PTBP3: variants seen among roughly 807,000 people sequenced by gnomAD.
PTBP3 encodes the protein polypyrimidine tract binding protein 3.
A neutral mutation model predicts 58.7 loss-of-function variants in PTBP3; 20 were observed. The observed-to-expected ratio is 0.34, with a 90% CI of 0.24 to 0.50. PTBP3 has a LOEUF of 0.50. Ranked by LOEUF, PTBP3 falls within the 20% of genes least tolerant of loss-of-function variation. PTBP3 has a pLI of 0.98. For synonymous variants in PTBP3, 185 were observed against 219.8 expected, an observed-to-expected ratio of 0.84 and a Z score of 1.40; for missense variants, 509 against 637.2, an observed-to-expected ratio of 0.80 and a Z score of 2.17.
At chr9:112,328,280 T>C (rs1360596422) in intron 1 of PTBP3, among the ~76,000 whole-genome samples, 2 of 152,238 alleles carry the variant, frequency 1.3e-5, no homozygotes, top group Non-Finnish European at 2.9e-5. Context: ...ATTTACTTGG[T>C]AATTAAGATT....
At chr9:112,359,896 A>C in the PTBP3 span, among the ~76,000 whole-genome samples, 1 of 152,236 alleles carries the variant, frequency 6.6e-6, no homozygotes, top group Non-Finnish European at 1.5e-5. Context: ...ACCATGCTTA[A>C]AAACTATAAA....
chr9:112,347,106 G>A, the PTBP3 span, among the ~76,000 whole-genome samples: 1 of 152,080 alleles, frequency 6.6e-6, no homozygotes, highest in Non-Finnish European at 1.5e-5. Flanking sequence ...AGCATCACTG[G>A]TTGTAATGCA....
At chr9:112,273,145 T>C (rs1376429853) in intron 3 of PTBP3, among the ~76,000 whole-genome samples, 1 of 152,214 alleles carries the variant, frequency 6.6e-6, no homozygotes, top group South Asian at 2.1e-4. Context: ...GTTAGCCATG[T>C]GACAGTGGAT....
chr9:112,315,357 A>G (rs1295893887), intron 1 of PTBP3, among the ~76,000 whole-genome samples: 3 of 152,204 alleles, frequency 2.0e-5, no homozygotes, highest in Non-Finnish European at 2.9e-5. Context: ...TATAAATTAA[A>G]CACATTTATA....
the PTBP3 span, among the ~76,000 whole-genome samples, chr9:112,350,479 C>T: frequency 6.6e-6 from 1 of 152,132 alleles, no homozygotes; most frequent in African/African-American, 2.4e-5. Context: ...CTATTAACAT[C>T]TTAACATTAG....
chr9:112,298,090 C>G (rs534217272), intron 1 of PTBP3, among the ~76,000 whole-genome samples, 174 bp from the exon 2 acceptor site: 3 of 152,148 alleles, frequency 2.0e-5, no homozygotes, highest in Non-Finnish European at 2.9e-5. Flanking sequence ...AAAATTACTG[C>G]AAATCCACAA....
chr9:112,377,391 T>C, the PTBP3 span, among the ~76,000 whole-genome samples: 6 of 152,140 alleles, frequency 3.9e-5, no homozygotes, highest in Admixed American at 6.5e-5. Flanking sequence ...CTAGACTGTC[T>C]TAGTATTTGA....
intron 2 of PTBP3, among the ~76,000 whole-genome samples, chr9:112,284,846 C>T (rs909308056): frequency 4.6e-5 from 2 of 43,270 alleles, no homozygotes; most frequent in South Asian, 1.5e-3. Flanking sequence ...TCATCCAATG[C>T]CTGTACCCCC....
Position 112,221,614 on chromosome 9 carries a change from C to A in PTBP3, c.*2237G>T. On this transcript the variant is annotated 3_prime_UTR_variant, in exon 14 of 14. Coordinates refer to ENST00000374257, the MANE Select transcript of PTBP3 (RefSeq NM_001163788.4). ...TTCCTCCTTCATATACCCCTTGTGT[C>A]TAGGTCAAAACTTATTTCATAAGTA... The A allele has an allele frequency of 1.0e-6, 1 of 985,258 alleles. No individual in the cohort carries two copies. 61.0% of individuals were successfully genotyped at this position (985,258 alleles called of 1,614,324 possible).
At chr9:112,362,136 T>C in the PTBP3 span, among the ~76,000 whole-genome samples, 1 of 152,126 alleles carries the variant, frequency 6.6e-6, no homozygotes, top group Admixed American at 6.6e-5. Context: ...TTCAGGAGTT[T>C]GAGACCAGCC....
chr9:112,354,794 G>T, the PTBP3 span, among the ~76,000 whole-genome samples: 1 of 152,084 alleles, frequency 6.6e-6, no homozygotes, highest in Non-Finnish European at 1.5e-5. Flanking sequence ...TTTTTTAAAT[G>T]CTTGGTTAGG....
At chr9:112,328,135 G>C (rs1313406637) in intron 1 of PTBP3, among the ~76,000 whole-genome samples, 1 of 152,186 alleles carries the variant, frequency 6.6e-6, no homozygotes, top group Non-Finnish European at 1.5e-5. Context: ...AAGATAACCT[G>C]AAATCCACTC....
chr9:112,305,936 T>C (rs1829182107), intron 1 of PTBP3, among the ~76,000 whole-genome samples: 1 of 152,002 alleles, frequency 6.6e-6, no homozygotes, highest in Admixed American at 6.5e-5. Flanking sequence ...CGAGACTCTG[T>C]CTCAAAAAAT....
chr9:112,322,134 C>A (rs78425643), intron 1 of PTBP3, among the ~76,000 whole-genome samples: 254 of 68,200 alleles, frequency 3.7e-3, no homozygotes, highest in Middle Eastern at 0.01. Context: ...GACTCCATCT[C>A]AAAAAAAAAA....
At chr9:112,351,536 C>T in the PTBP3 span, among the ~76,000 whole-genome samples, 1 of 152,170 alleles carries the variant, frequency 6.6e-6, no homozygotes, top group Non-Finnish European at 1.5e-5. Context: ...AGTCATTATG[C>T]ACAGCCCACA....
chr9:112,309,477 CTT>C (rs542919766), intron 1 of PTBP3, among the ~76,000 whole-genome samples: 1 of 152,096 alleles, frequency 6.6e-6, no homozygotes, highest in Non-Finnish European at 1.5e-5. Context: ...ATGTTCAAAA[CTT>C]TTTTTCTTAA....
the PTBP3 span, among the ~76,000 whole-genome samples, chr9:112,359,734 C>T: frequency 2.6e-5 from 4 of 151,872 alleles, no homozygotes; most frequent in East Asian, 2.0e-4. Flanking sequence ...ACCCGGGAGG[C>T]GGAGGTTGCC....
At chr9:112,346,998 A>G in the PTBP3 span, among the ~76,000 whole-genome samples, 23 of 152,344 alleles carry the variant, frequency 1.5e-4, no homozygotes, top group East Asian at 4.4e-3. Flanking sequence ...TGCTGGGATT[A>G]CAGGCCACTT....
At chr9:112,291,960 C>A (rs1391740811) in intron 2 of PTBP3, among the ~76,000 whole-genome samples, 1 of 50,262 alleles carries the variant, frequency 2.0e-5, no homozygotes, top group Admixed American at 2.3e-4. Flanking sequence ...TCATAAACTA[C>A]ATACGTGATG....
Sources: gnomAD v4.1 joint callset for allele counts (sites outside exome capture counted in the v4.1 genomes callset) on GRCh38, gnomAD v4.1.1 for gene constraint, MANE v1.5 for transcripts, NCBI Gene and HGNC (gene_info 2026-07-23, HGNC 2026-07-21) for gene names.